Variants in USP15 observed in about 807,000 individuals in gnomAD.
USP15 encodes ubiquitin specific peptidase 15, also known as ubiquitin carboxyl-terminal hydrolase 15.
In USP15, 18 loss-of-function variants were observed where a neutral mutation model predicts 127.1. That is an observed-to-expected ratio of 0.14 (90% CI 0.10 to 0.21). The LOEUF is 0.21. Ranked by LOEUF, USP15 falls within the 10% of genes least tolerant of loss-of-function variation. The probability of loss-of-function intolerance (pLI) is 1.00; values close to 1 mark genes in which losing one functional copy is unlikely to be tolerated. For synonymous variants in USP15, 364 were observed against 393.7 expected (o/e 0.92, Z 0.89); for missense variants, 805 against 1,159.9 (o/e 0.69, Z 4.44).
At chr12:62,296,035 A>G (rs2064118342) in intron 2 of USP15, among the ~76,000 whole-genome samples, 1 of 152,240 alleles carries the variant, frequency 6.6e-6, no homozygotes, top group Non-Finnish European at 1.5e-5. Context: ...AGATGCATGA[A>G]AGAGGGTCAA....
At chr12:62,280,862 G>T (rs1473503704) in intron 1 of USP15, among the ~76,000 whole-genome samples, 2 of 152,168 alleles carry the variant, frequency 1.3e-5, no homozygotes, top group Non-Finnish European at 2.9e-5. Context: ...ATTAGATCAT[G>T]CAAGACCTTT....
chr12:62,314,749 T>C, intron 3 of USP15, 41 bp from the exon 4 acceptor site: 1 of 1,440,554 alleles, frequency 6.9e-7, no homozygotes, highest in African/African-American at 1.5e-5. Context: ...TGAAATATAT[T>C]GATATAGGTG....
chr12:62,320,653 AT>A (rs1209560512), intron 4 of USP15, among the ~76,000 whole-genome samples: 1 of 152,194 alleles, frequency 6.6e-6, no homozygotes, highest in African/African-American at 2.4e-5. Flanking sequence ...CTACAAGACT[AT>A]TACAAAACAT....
At chr12:62,309,933 A>G (rs2064608277) in intron 3 of USP15, among the ~76,000 whole-genome samples, 1 of 151,988 alleles carries the variant, frequency 6.6e-6, no homozygotes, top group Admixed American at 6.6e-5. Flanking sequence ...CAAGTCAAGA[A>G]TAACTGTGTT....
intron 8 of USP15, 76 bp downstream of exon 8, chr12:62,355,551 A>T: frequency 6.9e-7 from 1 of 1,440,592 alleles, no homozygotes; most frequent in East Asian, 2.3e-5. Context: ...TGGGTTTTTC[A>T]TGCCAGAACA....
intron 3 of USP15, among the ~76,000 whole-genome samples, chr12:62,309,685 T>G (rs2064598372): frequency 6.6e-6 from 1 of 151,974 alleles, no homozygotes; most frequent in Non-Finnish European, 1.5e-5. Flanking sequence ...AAATCCAGCA[T>G]TATGTAAAAA....
chr12:62,391,759 A>G, intron 16 of USP15, 57 bp from the exon 17 acceptor site: 1 of 1,395,806 alleles, frequency 7.2e-7, no homozygotes. Flanking sequence ...ACATTAAAAT[A>G]TACTTTAATA....
intron 3 of USP15, among the ~76,000 whole-genome samples, chr12:62,314,400 T>A (rs1461585508): frequency 6.6e-6 from 1 of 151,932 alleles, no homozygotes; most frequent in East Asian, 1.9e-4. Context: ...ACTCTGTTTA[T>A]TTGTATTATA....
rs1435098513 is a variant in USP15, at chr12:62,405,113, A to G, written c.*738A>G. Reference sequence around the variant, plus strand: ...TGCTATTGGGATCTATTCTTCAGATATTCAAAAACATTTTTTGCTTTAAAA... The same window carrying G: ...TGCTATTGGGATCTATTCTTCAGATGTTCAAAAACATTTTTTGCTTTAAAA... On this transcript the variant is annotated 3_prime_UTR_variant, in exon 22 of 22. Coordinates refer to ENST00000280377, the MANE Select transcript of USP15 (RefSeq NM_001252078.2). 2 of 152,148 alleles carry G rather than the reference A, an allele frequency of 1.3e-5. No individual in the cohort carries two copies. Among genetic ancestry groups the G allele is most frequent in the Non-Finnish European group, 2.9e-5 (2 of 67,996 alleles). The allele number at this position is 152,148 out of a possible 1,614,324, so 9.4% of individuals were successfully genotyped here.
At position 62,269,332 on chromosome 12, in the gene USP15, A is replaced by ATG. The variant is rs1260566251; in HGVS notation, c.89+8839_89+8840dup. Among the ~76,000 whole-genome samples the ATG allele has an allele frequency of 1.3e-4, 20 of 151,918 alleles. No individual in the cohort carries two copies. The South Asian group carries it at 3.5e-3, about 27-fold the overall frequency. On this transcript the variant is annotated intron_variant, in intron 1 of 21. Transcript: ENST00000280377. ...CTAATACAATGGTAAGTATATATAT[A>ATG]TGTGTGTGTGTATAAATATATATAT... is the stretch of plus-strand genomic sequence containing the variant.
At chr12:62,306,522 T>C (rs142457648) in intron 3 of USP15, among the ~76,000 whole-genome samples, 1 of 152,260 alleles carries the variant, frequency 6.6e-6, no homozygotes, top group Admixed American at 6.5e-5. Context: ...GTAGAGTAAG[T>C]TTAGCAACAT....
At chr12:62,314,694 G>C in intron 3 of USP15, 96 bp from the exon 4 acceptor site, 1 of 1,166,538 alleles carries the variant, frequency 8.6e-7, no homozygotes, top group Non-Finnish European at 1.1e-6. Flanking sequence ...TTTCACTGGA[G>C]ATCTGCAGTT....
chr12:62,347,564 GT>G (rs952750946), intron 6 of USP15, among the ~76,000 whole-genome samples: 1 of 151,792 alleles, frequency 6.6e-6, no homozygotes, highest in African/African-American at 2.4e-5. Context: ...CAATTTAGAC[GT>G]TTTTTCCTAA....
In USP15 at chr12:62,314,928, T is replaced by G. The variant is rs2064788850; in HGVS notation, c.475+12T>G. The G allele has an allele frequency of 6.4e-7, 1 of 1,557,552 alleles. No individual in the cohort carries two copies. The highest frequency in any genetic ancestry group is 8.7e-7 in the Non-Finnish European group (1 of 1,152,732). On this transcript the variant is annotated intron_variant, in intron 4 of 21. Transcript: ENST00000280377. ...AGCTGACACAATAGGTAATGCAAGA[T>G]CCTGTCTTGTTTTTAATCCATTGCT...
chr12:62,260,601 C>G, intron 1 of USP15, 98 bp downstream of exon 1: 2 of 1,235,552 alleles, frequency 1.6e-6, no homozygotes, highest in African/African-American at 1.5e-5. Flanking sequence ...CAGGTGCGGG[C>G]AGGTCCGGCG....
intron 6 of USP15, among the ~76,000 whole-genome samples, chr12:62,347,459 G>C (rs558166393): frequency 1.3e-5 from 2 of 151,612 alleles, no homozygotes; most frequent in Non-Finnish European, 1.5e-5. Context: ...ATAAGATTCA[G>C]GGGAACATTC....
At chr12:62,353,523 G>T (rs1055263652) in intron 7 of USP15, among the ~76,000 whole-genome samples, 1 of 151,946 alleles carries the variant, frequency 6.6e-6, no homozygotes, top group Non-Finnish European at 1.5e-5. Flanking sequence ...TTTCCTGTGT[G>T]CTCTGGCTGC....
intron 8 of USP15, among the ~76,000 whole-genome samples, chr12:62,375,899 T>C (rs2066813929): frequency 6.6e-6 from 1 of 152,202 alleles, no homozygotes; most frequent in Admixed American, 6.6e-5. Context: ...TAGCCATTGT[T>C]ACCTTTCCTT....
At chr12:62,390,252 A>G (rs2067279593) in intron 14 of USP15, among the ~76,000 whole-genome samples, 2 of 152,282 alleles carry the variant, frequency 1.3e-5, no homozygotes, top group Non-Finnish European at 1.5e-5. Context: ...ATAGGAATTT[A>G]TGTTATAATA....
Sources: allele counts gnomAD v4.1 joint callset (sites outside exome capture counted in the v4.1 genomes callset), GRCh38; gene constraint gnomAD v4.1.1; transcripts MANE v1.5; gene names NCBI Gene and HGNC (gene_info 2026-07-23, HGNC 2026-07-21).